Variants in PTPRN2 observed in about 807,000 individuals in gnomAD.
PTPRN2 encodes the protein protein tyrosine phosphatase receptor type N2.
PTPRN2 carries 74 observed loss-of-function variants against 118.8 expected under a neutral mutation model. That is an observed-to-expected ratio of 0.62 (90% CI 0.52 to 0.76). PTPRN2 has a LOEUF of 0.76. Ranked by LOEUF, PTPRN2 falls within the 30% of genes least tolerant of loss-of-function variation. PTPRN2 has a pLI of 0.00. For synonymous variants in PTPRN2, 641 were observed against 608.0 expected, an observed-to-expected ratio of 1.05 and a Z score of -0.80; for missense variants, 1,481 against 1,394.4, an observed-to-expected ratio of 1.06 and a Z score of -0.99.
At chr7:157,865,395 G>A (rs1024612084) in intron 12 of PTPRN2, 2 of 152,324 alleles carry the variant, frequency 1.3e-5, no homozygotes, top group East Asian at 1.9e-4. Context: ...TATTAGTCAG[G>A]GGTCCTGGAG....
intron 3 of PTPRN2, among the ~76,000 whole-genome samples, chr7:158,257,287 C>T (rs544216739): frequency 4.0e-5 from 6 of 151,868 alleles, no homozygotes; most frequent in Admixed American, 6.6e-5. Context: ...AAACCTGTGG[C>T]GTGTTTCTGG....
At chr7:158,524,319 T>C (rs1263887237) in intron 1 of PTPRN2, among the ~76,000 whole-genome samples, 1 of 52,356 alleles carries the variant, frequency 1.9e-5, no homozygotes, top group Non-Finnish European at 3.7e-5. Flanking sequence ...GGCCCTGGAG[T>C]GGAGTCTGCC....
Position 158,440,627 on chromosome 7 carries a change from TCG to T in PTPRN2, c.163+49106_163+49107del, listed in dbSNP as rs541874867. On this transcript the variant is annotated intron_variant, in intron 2 of 22. Coordinates refer to ENST00000389418, the MANE Select transcript of PTPRN2 (RefSeq NM_002847.5). ...GTGGTAATACTGGTGATGGAGGTGG[TCG>T]TGGTGATGATGGTGGCAGTAGTGAT... 2.0e-3 allele frequency among the ~76,000 whole-genome samples: 296 copies of T among 147,044 alleles called. 7 individuals carry two copies. Among genetic ancestry groups the T allele is most frequent in the African/African-American group, 7.3e-3 (283 of 38,570 alleles).
intron 11 of PTPRN2, among the ~76,000 whole-genome samples, chr7:158,001,131 CG>C: frequency 9.4e-6 from 1 of 106,768 alleles, no homozygotes; most frequent in East Asian, 2.8e-4. Flanking sequence ...GGGGTTTGGC[CG>C]CAGGTGGGGT....
At chr7:158,054,584 C>A (rs905803539) in intron 11 of PTPRN2, among the ~76,000 whole-genome samples, 1 of 152,194 alleles carries the variant, frequency 6.6e-6, no homozygotes, top group Non-Finnish European at 1.5e-5. Context: ...GGTGAGGTCT[C>A]GCAGGTGCAG....
chr7:157,795,892 A>G (rs777783862), intron 12 of PTPRN2, among the ~76,000 whole-genome samples: 25 of 152,218 alleles, frequency 1.6e-4, no homozygotes, highest in South Asian at 6.2e-4. Flanking sequence ...GAAGCAGAAC[A>G]AACACATGTG....
intron 10 of PTPRN2, among the ~76,000 whole-genome samples, chr7:158,095,708 AG>A (rs1814574724): frequency 6.6e-6 from 1 of 152,188 alleles, no homozygotes; most frequent in African/African-American, 2.4e-5. Context: ...ATACAGACTG[AG>A]GCCCTGCCTT....
chr7:157,540,694 G>A lies in PTPRN2; in HGVS notation c.*20C>T, dbSNP rs2116927913. On this transcript the variant is annotated 3_prime_UTR_variant, in exon 23 of 23. Coordinates refer to ENST00000389418, the MANE Select transcript of PTPRN2 (RefSeq NM_002847.5). ...ACATCCGTGGGGTGGGGGCTCCCCT[G>A]AGGCCCCTGAGGCTGCCGCTCACTG... 2.0e-6 allele frequency: 3 copies of A among 1,529,850 alleles called. No homozygotes were observed. Among genetic ancestry groups the A allele is most frequent in the East Asian group, 2.4e-5 (1 of 41,116 alleles). 94.8% of individuals were successfully genotyped at this position (1,529,850 alleles called of 1,614,324 possible). A position where few individuals can be genotyped will look rare whatever the true frequency, so the allele number is the denominator to read the frequency against.
At chr7:158,263,280 A>G (rs942513030) in intron 3 of PTPRN2, among the ~76,000 whole-genome samples, 3 of 152,234 alleles carry the variant, frequency 2.0e-5, no homozygotes, top group East Asian at 1.9e-4. Context: ...CACGTGTTGC[A>G]CTCACAGTCA....
chr7:157,549,816 G>A (rs1444688549), intron 21 of PTPRN2, among the ~76,000 whole-genome samples: 2 of 152,240 alleles, frequency 1.3e-5, no homozygotes, highest in Non-Finnish European at 2.9e-5. Context: ...ACACAGAGAA[G>A]TGTGGGATGA....
intron 12 of PTPRN2, among the ~76,000 whole-genome samples, chr7:157,790,050 TTGTG>T (rs1363647579): frequency 3.0e-5 from 2 of 66,128 alleles, no homozygotes; most frequent in East Asian, 5.2e-4. Context: ...TGTGTGGTGT[TTGTG>T]TGGTGTGAAT....
chr7:157,817,025 A>C (rs1209796950), intron 12 of PTPRN2, among the ~76,000 whole-genome samples: 1 of 151,838 alleles, frequency 6.6e-6, no homozygotes. Context: ...ATTTGCTGAC[A>C]CCCCGGAGGC....
chr7:158,299,914 A>C (rs970201568), intron 3 of PTPRN2, among the ~76,000 whole-genome samples: 1 of 152,204 alleles, frequency 6.6e-6, no homozygotes, highest in African/African-American at 2.4e-5. Context: ...GCCCTTGGAC[A>C]GTATTAGCAG....
At chr7:158,224,907 G>A (rs1828638033) in intron 3 of PTPRN2, among the ~76,000 whole-genome samples, 1 of 152,184 alleles carries the variant, frequency 6.6e-6, no homozygotes, top group Middle Eastern at 3.4e-3. Flanking sequence ...AAAAGGGTGA[G>A]AGATGAAAAG....
chr7:158,091,515 C>G (rs1251152097), intron 10 of PTPRN2, among the ~76,000 whole-genome samples: 1 of 152,096 alleles, frequency 6.6e-6, no homozygotes, highest in Admixed American at 6.6e-5. Flanking sequence ...ACAGACTGAC[C>G]TGTGCTTTAT....
chr7:157,565,845 C>A (rs1799459252), intron 21 of PTPRN2, among the ~76,000 whole-genome samples: 1 of 152,178 alleles, frequency 6.6e-6, no homozygotes, highest in Admixed American at 6.5e-5. Context: ...GATTCCTACA[C>A]AATCGTCTAT....
chr7:158,483,574 G>C (rs1036557612), intron 2 of PTPRN2, among the ~76,000 whole-genome samples: 1 of 152,176 alleles, frequency 6.6e-6, no homozygotes, highest in African/African-American at 2.4e-5. Context: ...CCAAATCTGA[G>C]AGGGACAAGC....
At chr7:158,222,360 A>G (rs895298917) in intron 3 of PTPRN2, among the ~76,000 whole-genome samples, 1 of 152,124 alleles carries the variant, frequency 6.6e-6, no homozygotes, top group African/African-American at 2.4e-5. Flanking sequence ...AAAAGAAAAT[A>G]CGGTACACAT....
intron 3 of PTPRN2, among the ~76,000 whole-genome samples, chr7:158,275,450 G>A (rs551009542): frequency 6.6e-6 from 1 of 152,104 alleles, no homozygotes; most frequent in South Asian, 2.1e-4. Flanking sequence ...AATTTTACTG[G>A]ACAAAGTGCC....
Sources: gnomAD v4.1 joint callset for allele counts (sites outside exome capture counted in the v4.1 genomes callset) on GRCh38, gnomAD v4.1.1 for gene constraint, MANE v1.5 for transcripts, NCBI Gene and HGNC (gene_info 2026-07-23, HGNC 2026-07-21) for gene names.